RARB: variants seen among roughly 807,000 people sequenced by gnomAD.
The protein encoded by RARB is retinoic acid receptor beta.
A neutral mutation model predicts 51.9 loss-of-function variants in RARB; 17 were observed. The ratio of observed to expected loss-of-function variants is 0.33; its 90% confidence interval spans 0.22 to 0.49. RARB has a LOEUF of 0.49. Ranked by LOEUF, RARB falls within the 20% of genes least tolerant of loss-of-function variation. The probability of loss-of-function intolerance (pLI) is 0.99; values close to 1 mark genes in which losing one functional copy is unlikely to be tolerated. For missense variants in RARB, 369 were observed against 550.8 expected, an observed-to-expected ratio of 0.67 and a Z score of 3.30; for synonymous variants, 215 against 195.4, an observed-to-expected ratio of 1.10 and a Z score of -0.84.
chr3:25,519,760 C>A (rs1698326247), intron 3 of RARB, among the ~76,000 whole-genome samples: 1 of 152,140 alleles, frequency 6.6e-6, no homozygotes, highest in Admixed American at 6.6e-5. Context: ...AGCGAATTAA[C>A]TCAGATTATT....
intron 5 of RARB, among the ~76,000 whole-genome samples, chr3:25,410,949 G>T (rs1428953366): frequency 6.6e-6 from 1 of 152,220 alleles, no homozygotes; most frequent in Non-Finnish European, 1.5e-5. Context: ...AGTCTAGGAA[G>T]TTAAAGCCTT....
intron 2 of RARB, among the ~76,000 whole-genome samples, chr3:24,859,048 A>G (rs1301944939): frequency 9.5e-6 from 1 of 105,286 alleles, no homozygotes; most frequent in African/African-American, 3.3e-5. Context: ...AAAAAAAAAA[A>G]AAAAAAAAAG....
chr3:25,463,093 G>A (rs1319943740), intron 2 of RARB, among the ~76,000 whole-genome samples: 7 of 152,066 alleles, frequency 4.6e-5, no homozygotes, highest in Admixed American at 2.0e-4. Flanking sequence ...GGCTGACCTC[G>A]AATTCCTGGG....
chr3:24,974,041 A>G (rs1696456914), intron 2 of RARB, among the ~76,000 whole-genome samples: 1 of 152,038 alleles, frequency 6.6e-6, no homozygotes, highest in Non-Finnish European at 1.5e-5. Flanking sequence ...ATCTTGGAGG[A>G]AAGGCTTTCA....
intron 5 of RARB, among the ~76,000 whole-genome samples, chr3:25,253,355 T>C (rs981686744): frequency 2.0e-5 from 3 of 152,184 alleles, no homozygotes; most frequent in Non-Finnish European, 2.9e-5. Context: ...ATTTTACTAT[T>C]CTGGGAAATT....
chr3:25,182,948 G>A (rs1396455288), intron 5 of RARB, among the ~76,000 whole-genome samples: 1 of 152,066 alleles, frequency 6.6e-6, no homozygotes, highest in Non-Finnish European at 1.5e-5. Flanking sequence ...AAGACTGCTG[G>A]CAAGCCACCA....
At chr3:25,227,316 T>C (rs1702076534) in intron 5 of RARB, among the ~76,000 whole-genome samples, 2 of 152,218 alleles carry the variant, frequency 1.3e-5, no homozygotes, top group African/African-American at 2.4e-5. Flanking sequence ...GTAGTAGATG[T>C]GTTTATCCAT....
intron 3 of RARB, among the ~76,000 whole-genome samples, chr3:25,535,675 C>T (rs896220263): frequency 6.6e-6 from 1 of 152,008 alleles, no homozygotes; most frequent in Non-Finnish European, 1.5e-5. Context: ...GCTTTCTGTT[C>T]CTGTGTTAGT....
At chr3:25,317,026 A>AATG (rs1404123995) in intron 5 of RARB, among the ~76,000 whole-genome samples, 1 of 119,978 alleles carries the variant, frequency 8.3e-6, no homozygotes, top group Admixed American at 8.3e-5. Context: ...CAATTCTATA[A>AATG]ATGTTGACTG....
intron 3 of RARB, among the ~76,000 whole-genome samples, chr3:25,558,446 C>G (rs1447151171): frequency 6.6e-6 from 1 of 151,944 alleles, no homozygotes; most frequent in Non-Finnish European, 1.5e-5. Flanking sequence ...TCCAATTTCT[C>G]CCACAGTTCA....
At chr3:25,183,757 G>A (rs761444742) in intron 5 of RARB, among the ~76,000 whole-genome samples, 11 of 151,972 alleles carry the variant, frequency 7.2e-5, no homozygotes, top group Non-Finnish European at 1.5e-4. Context: ...CAGAATTCTT[G>A]GACAGTCTTT....
intron 5 of RARB, among the ~76,000 whole-genome samples, chr3:25,344,461 G>T (rs7625748): frequency 6.6e-6 from 1 of 152,108 alleles, no homozygotes; most frequent in Admixed American, 6.6e-5. Context: ...ACTCTACTGC[G>T]GTATGCCTAA....
intron 5 of RARB, among the ~76,000 whole-genome samples, chr3:25,380,696 A>C (rs1706599398): frequency 6.6e-6 from 1 of 152,208 alleles, no homozygotes; most frequent in Non-Finnish European, 1.5e-5. Context: ...AAAGATGAAG[A>C]AGAATGTTGA....
intron 2 of RARB, among the ~76,000 whole-genome samples, chr3:24,964,826 T>C (rs1696219069): frequency 6.6e-6 from 1 of 152,224 alleles, no homozygotes; most frequent in African/African-American, 2.4e-5. Context: ...CTTTCTGTTC[T>C]CCCTCAAGGG....
intron 2 of RARB, among the ~76,000 whole-genome samples, chr3:24,937,748 T>A (rs1476097506): frequency 2.0e-5 from 3 of 152,100 alleles, no homozygotes; most frequent in Non-Finnish European, 4.4e-5. Context: ...CGCTGGCAGG[T>A]GGGTGGAGCG....
At chr3:25,018,318 T>C (rs1312051882) in intron 2 of RARB, among the ~76,000 whole-genome samples, 1 of 152,206 alleles carries the variant, frequency 6.6e-6, no homozygotes, top group African/African-American at 2.4e-5. Context: ...GTGTTAATTC[T>C]CTAAAGCAGT....
chr3:24,862,918 A>C (rs1055717962), intron 2 of RARB, among the ~76,000 whole-genome samples: 3 of 152,216 alleles, frequency 2.0e-5, no homozygotes, highest in African/African-American at 7.2e-5. Flanking sequence ...GGCTGGGGTC[A>C]GCTGAGAGAA....
Position 25,008,953 on chromosome 3 carries a change from T to C in RARB, c.-379-51172T>C, listed in dbSNP as rs146860943. On this transcript the variant is annotated intron_variant, in intron 2 of 11. Transcript: ENST00000383772. The stretch of plus-strand genomic sequence containing the variant: ...TACTAGTAACAACAACTATACTCTT[T>C]ATTGGTTTTAATTTTTCAAGATCTG... Among the ~76,000 whole-genome samples, 932 of 152,284 alleles carry C rather than the reference T, an allele frequency of 6.1e-3. 22 individuals carry two copies. Among genetic ancestry groups the C allele is most frequent in the South Asian group, 0.036 (176 of 4,828 alleles).
rs79885326 is a variant in RARB at position 25,070,647 on chromosome 3, T to C, written c.-328+10471T>C. ...GCAAACCATTTATATAGCATAGGAA[T>C]ATTTGCCAGACACAATCCCTGAGTG... On this transcript the variant is annotated intron_variant, in intron 3 of 11. Transcript: ENST00000383772. 5.7e-3 allele frequency among the ~76,000 whole-genome samples: 871 copies of C among 152,338 alleles called. 6 individuals carry two copies. Among genetic ancestry groups the C allele is most frequent in the East Asian group, 0.026 (136 of 5,190 alleles).
Sources: allele counts gnomAD v4.1 joint callset (sites outside exome capture counted in the v4.1 genomes callset), GRCh38; gene constraint gnomAD v4.1.1; transcripts MANE v1.5; gene names NCBI Gene and HGNC (gene_info 2026-07-23, HGNC 2026-07-21).